Variants in ADK observed in about 807,000 individuals in gnomAD.
The protein encoded by ADK is adenosine kinase.
A neutral mutation model predicts 44.7 loss-of-function variants in ADK; 24 were observed. That is an observed-to-expected ratio of 0.54 (90% CI 0.39 to 0.76). ADK has a LOEUF of 0.76. Ranked by LOEUF, ADK falls within the 30% of genes least tolerant of loss-of-function variation. ADK has a pLI of 0.00. For missense variants in ADK, 321 were observed against 425.1 expected (o/e 0.76, Z 2.15); for synonymous variants, 128 against 142.6 (o/e 0.90, Z 0.73).
chr10:74,287,461 C>T (rs1172262978), intron 3 of ADK, among the ~76,000 whole-genome samples: 2 of 144,564 alleles, frequency 1.4e-5, no homozygotes, highest in Non-Finnish European at 3.0e-5. Context: ...GAGACTCCGT[C>T]TCAAAAAAAA....
chr10:74,436,805 A>G (rs1330240835), intron 6 of ADK, among the ~76,000 whole-genome samples: 2 of 152,210 alleles, frequency 1.3e-5, no homozygotes, highest in Non-Finnish European at 2.9e-5. Context: ...CTTTTATGAA[A>G]AACATAGGAG....
At chr10:74,201,400 T>A (rs1236534223) in intron 2 of ADK, among the ~76,000 whole-genome samples, 2 of 152,208 alleles carry the variant, frequency 1.3e-5, no homozygotes, top group Non-Finnish European at 2.9e-5. Context: ...CCCACTTGTG[T>A]CCTTGTTTTC....
chr10:74,644,316 A>G (rs896896717), intron 9 of ADK, among the ~76,000 whole-genome samples: 6 of 152,216 alleles, frequency 3.9e-5, no homozygotes, highest in Admixed American at 1.3e-4. Flanking sequence ...AGTTCTTATG[A>G]ACAGATTCAG....
chr10:74,678,098 G>A (rs1352237951), intron 10 of ADK, among the ~76,000 whole-genome samples: 3 of 143,516 alleles, frequency 2.1e-5, no homozygotes, highest in South Asian at 2.2e-4. Context: ...CTGAGGTCAC[G>A]CCACTGCACT....
rs547753801 is a variant in ADK, at chr10:74,230,610, C to T, written c.194+6019C>T. Among the ~76,000 whole-genome samples, 3 of 152,042 alleles carry T rather than the reference C, an allele frequency of 2.0e-5. No homozygotes were observed. In the East Asian group the frequency reaches 5.8e-4, roughly 29 times the overall value. On this transcript the variant is annotated intron_variant, in intron 3 of 10. Coordinates refer to ENST00000539909, the MANE Select transcript of ADK (RefSeq NM_006721.4). ...GCTCAGGTTGGTCTCAAACTCCTGA[C>T]CTCAAGCAGTCCTCCTGCCTCTGCT...
chr10:74,525,485 T>G, intron 7 of ADK, 59 bp downstream of exon 7: 1 of 1,389,680 alleles, frequency 7.2e-7, no homozygotes, highest in East Asian at 2.3e-5. Flanking sequence ...TTATTTCTGA[T>G]GTGTGTATAT....
chr10:74,577,150 G>GTGTGTA lies in ADK; in HGVS notation c.727-12129_727-12128insGTATGT, dbSNP rs796256860. On this transcript the variant is annotated intron_variant, in intron 7 of 10. Coordinates refer to ENST00000539909, the MANE Select transcript of ADK (RefSeq NM_006721.4). The stretch of plus-strand genomic sequence containing the variant: ...TGTGTGTGTGTGTGTGTGTGTGTGT[G>GTGTGTA]TGTAGTCTAACTTGTACATTTGGCC... Among the ~76,000 whole-genome samples, 1,468 of 149,036 alleles carry GTGTGTA rather than the reference G, an allele frequency of 9.8e-3. 23 individuals carry two copies. Among genetic ancestry groups the GTGTGTA allele is most frequent in the African/African-American group, 0.029 (1,134 of 39,320 alleles).
At chr10:74,299,628 T>C (rs1002404161) in intron 3 of ADK, among the ~76,000 whole-genome samples, 1 of 150,364 alleles carries the variant, frequency 6.7e-6, no homozygotes. Context: ...ATTATACATA[T>C]ATATGGATCA....
chr10:74,629,139 C>T (rs1486926474), intron 9 of ADK, among the ~76,000 whole-genome samples: 1 of 152,084 alleles, frequency 6.6e-6, no homozygotes, highest in Non-Finnish European at 1.5e-5. Context: ...AAACAATCCT[C>T]CTGCCTCAGC....
intron 2 of ADK, among the ~76,000 whole-genome samples, chr10:74,210,459 A>G (rs1477562337): frequency 2.6e-5 from 4 of 152,018 alleles, no homozygotes. Context: ...TATTAATCTG[A>G]GTATGCATGA....
chr10:74,272,184 A>G (rs950111531), intron 3 of ADK, among the ~76,000 whole-genome samples: 1 of 151,872 alleles, frequency 6.6e-6, no homozygotes, highest in Non-Finnish European at 1.5e-5. Context: ...AAATTTTTTT[A>G]CTCCTCATTT....
At chr10:74,689,752 C>G (rs1855919418) in intron 10 of ADK, among the ~76,000 whole-genome samples, 1 of 152,226 alleles carries the variant, frequency 6.6e-6, no homozygotes, top group African/African-American at 2.4e-5. Context: ...TAACCTGTTT[C>G]ATTTTCCACA....
chr10:74,312,294 G>GAGAA (rs398114520), intron 3 of ADK, among the ~76,000 whole-genome samples: 1 of 151,080 alleles, frequency 6.6e-6, no homozygotes, highest in Non-Finnish European at 1.5e-5. Flanking sequence ...TGTAGATAGA[G>GAGAA]TGTGTGTGTG....
At chr10:74,544,216 A>G (rs540389830) in intron 7 of ADK, among the ~76,000 whole-genome samples, 79 of 152,358 alleles carry the variant, frequency 5.2e-4, no homozygotes, top group African/African-American at 1.9e-3. Flanking sequence ...TCTTCACTAC[A>G]TTCTGGCCAC....
chr10:74,324,496 T>A (rs1289308579), intron 4 of ADK, among the ~76,000 whole-genome samples: 1 of 152,260 alleles, frequency 6.6e-6, no homozygotes, highest in Non-Finnish European at 1.5e-5. Flanking sequence ...GTTGAGATTA[T>A]GTAGCATTTG....
chr10:74,545,839 A>G (rs1190543994), intron 7 of ADK, among the ~76,000 whole-genome samples: 1 of 152,324 alleles, frequency 6.6e-6, no homozygotes, highest in African/African-American at 2.4e-5. Flanking sequence ...TACAGTGGGT[A>G]TTAGTACTAA....
intron 9 of ADK, chr10:74,655,854 G>T: frequency 5.3e-6 from 3 of 560,790 alleles, no homozygotes; most frequent in South Asian, 5.2e-5. Flanking sequence ...GCAGGAGAAC[G>T]ACCAGGAAGC....
intron 2 of ADK, among the ~76,000 whole-genome samples, chr10:74,223,952 G>C (rs758994386): frequency 2.0e-5 from 3 of 152,122 alleles, no homozygotes; most frequent in African/African-American, 7.2e-5. Flanking sequence ...AGCCAGGCAT[G>C]GTGGTGCGTG....
At chr10:74,535,663 A>G (rs529959624) in intron 7 of ADK, among the ~76,000 whole-genome samples, 1 of 150,198 alleles carries the variant, frequency 6.7e-6, no homozygotes, top group Admixed American at 6.7e-5. Context: ...GCTCACTGCA[A>G]CCTCCACTTC....
Sources: gnomAD v4.1 joint callset for allele counts (sites outside exome capture counted in the v4.1 genomes callset) on GRCh38, gnomAD v4.1.1 for gene constraint, MANE v1.5 for transcripts, NCBI Gene and HGNC (gene_info 2026-07-23, HGNC 2026-07-21) for gene names.